GALNT13: variants seen among roughly 807,000 people sequenced by gnomAD.
The protein encoded by GALNT13 is polypeptide N-acetylgalactosaminyltransferase 13.
GALNT13 carries 28 observed loss-of-function variants against 64.2 expected under a neutral mutation model. The observed-to-expected ratio is 0.44, with a 90% confidence interval of 0.32 to 0.60. GALNT13 has a LOEUF of 0.60. Among genes scored for constraint, GALNT13 ranks in the 20% least tolerant of loss-of-function variants. GALNT13 has a pLI of 0.05. For missense variants in GALNT13, 577 were observed against 669.8 expected (o/e 0.86, Z 1.53); for synonymous variants, 214 against 224.6 (o/e 0.95, Z 0.42).
Position 154,341,693 on chromosome 2 carries a change from T to A in GALNT13, c.1156+40104T>A, listed in dbSNP as rs146731148. On this transcript the variant is annotated intron_variant, in intron 9 of 12. Coordinates refer to ENST00000392825, the MANE Select transcript of GALNT13 (RefSeq NM_052917.4). ...AGGACACAGCAAGTACTCTGGCATATTTTTCTGAGAAAATTATCTCCTGTT... is the reference window on the plus strand; with the variant it reads ...AGGACACAGCAAGTACTCTGGCATAATTTTCTGAGAAAATTATCTCCTGTT... 7.8e-3 allele frequency among the ~76,000 whole-genome samples: 1,185 copies of A among 151,336 alleles called. 14 individuals carry two copies. Among genetic ancestry groups the A allele is most frequent in the African/African-American group, 0.027 (1,128 of 41,406 alleles).
At chr2:153,135,772 T>G in the GALNT13 span, among the ~76,000 whole-genome samples, 1 of 152,022 alleles carries the variant, frequency 6.6e-6, no homozygotes, top group East Asian at 1.9e-4. Flanking sequence ...GGGGCACTTA[T>G]TAGGGTATAT....
chr2:153,132,159 C>A, the GALNT13 span, among the ~76,000 whole-genome samples: 1 of 152,076 alleles, frequency 6.6e-6, no homozygotes, highest in Non-Finnish European at 1.5e-5. Context: ...TGGAGAGGAC[C>A]AATACCAGCT....
the GALNT13 span, among the ~76,000 whole-genome samples, chr2:153,553,110 A>G: frequency 2.6e-5 from 4 of 152,224 alleles, no homozygotes; most frequent in Admixed American, 6.5e-5. Flanking sequence ...AGAGTGAACT[A>G]GAAAAATAAA....
the GALNT13 span, among the ~76,000 whole-genome samples, chr2:153,154,566 A>G: frequency 6.6e-6 from 1 of 152,042 alleles, no homozygotes; most frequent in Non-Finnish European, 1.5e-5. Context: ...GTTGGTATGT[A>G]TGAATGCTAG....
chr2:153,811,187 T>C, the GALNT13 span, among the ~76,000 whole-genome samples: 1 of 152,348 alleles, frequency 6.6e-6, no homozygotes, highest in South Asian at 2.1e-4. Context: ...TGGAGAATGA[T>C]GAGTTCTTGA....
At chr2:153,578,592 A>G in the GALNT13 span, among the ~76,000 whole-genome samples, 2 of 152,192 alleles carry the variant, frequency 1.3e-5, no homozygotes, top group East Asian at 3.9e-4. Context: ...TAAAGGCACA[A>G]AGCCAGTAGC....
At chr2:153,424,275 A>G in the GALNT13 span, among the ~76,000 whole-genome samples, 1 of 151,614 alleles carries the variant, frequency 6.6e-6, no homozygotes. Flanking sequence ...CTAGATGTTT[A>G]GGAGAAAAAA....
chr2:154,218,882 C>T (rs1688181990), intron 4 of GALNT13, among the ~76,000 whole-genome samples: 1 of 151,966 alleles, frequency 6.6e-6, no homozygotes, highest in South Asian at 2.1e-4. Flanking sequence ...GCTTCAAAGT[C>T]AAACATTTTA....
the GALNT13 span, among the ~76,000 whole-genome samples, chr2:153,354,616 A>AAG: frequency 6.6e-6 from 1 of 152,184 alleles, no homozygotes; most frequent in African/African-American, 2.4e-5. Context: ...AATAAGAGTC[A>AAG]GTAGTTATGA....
intron 3 of GALNT13, among the ~76,000 whole-genome samples, chr2:154,049,444 G>T (rs1415716908): frequency 7.3e-6 from 1 of 137,916 alleles, no homozygotes; most frequent in Non-Finnish European, 1.6e-5. Context: ...ACTATTCATT[G>T]TGATATATAT....
the GALNT13 span, among the ~76,000 whole-genome samples, chr2:153,519,727 G>A: frequency 4.6e-5 from 7 of 151,994 alleles, no homozygotes; most frequent in Non-Finnish European, 7.4e-5. Flanking sequence ...CTCCTATTTT[G>A]TATTACAAAT....
At chr2:153,259,931 G>A in the GALNT13 span, among the ~76,000 whole-genome samples, 2 of 151,540 alleles carry the variant, frequency 1.3e-5, no homozygotes, top group Admixed American at 6.6e-5. Flanking sequence ...TTCTCAGATG[G>A]CATGCTTTAA....
At chr2:154,289,055 C>G (rs1220645536) in intron 8 of GALNT13, among the ~76,000 whole-genome samples, 1 of 152,242 alleles carries the variant, frequency 6.6e-6, no homozygotes, top group Non-Finnish European at 1.5e-5. Flanking sequence ...GACATTCAGG[C>G]ATTTTCACAC....
intron 3 of GALNT13, among the ~76,000 whole-genome samples, chr2:154,116,935 C>T (rs1230710691): frequency 6.6e-6 from 1 of 152,120 alleles, no homozygotes; most frequent in African/African-American, 2.4e-5. Context: ...TATTCACTCA[C>T]ACACTCGCAA....
At chr2:153,257,634 CT>C in the GALNT13 span, among the ~76,000 whole-genome samples, 1 of 152,194 alleles carries the variant, frequency 6.6e-6, no homozygotes, top group East Asian at 1.9e-4. Flanking sequence ...GCCAAGAAAT[CT>C]TTTTTGAGCT....
chr2:153,379,995 G>C, the GALNT13 span, among the ~76,000 whole-genome samples: 1 of 152,124 alleles, frequency 6.6e-6, no homozygotes, highest in African/African-American at 2.4e-5. Context: ...AGTCTTTCTA[G>C]AGGAAGCAAT....
At chr2:154,017,156 G>A (rs532562334) in intron 3 of GALNT13, among the ~76,000 whole-genome samples, 1 of 152,136 alleles carries the variant, frequency 6.6e-6, no homozygotes, top group East Asian at 1.9e-4. Flanking sequence ...GAGAAATGCA[G>A]ACTTCATTTT....
the GALNT13 span, among the ~76,000 whole-genome samples, chr2:153,628,082 TTCCTAGGTA>T: frequency 1.3e-5 from 2 of 152,176 alleles, no homozygotes; most frequent in African/African-American, 4.8e-5. Context: ...GTAAGTGGGA[TTCCTAGGTA>T]TTTTATTCTC....
chr2:154,340,162 C>T (rs1210795968), intron 9 of GALNT13, among the ~76,000 whole-genome samples: 1 of 151,990 alleles, frequency 6.6e-6, no homozygotes, highest in South Asian at 2.1e-4. Context: ...CTCTATTGCT[C>T]CAACTCTCTA....
Sources: gnomAD v4.1 joint callset for allele counts (sites outside exome capture counted in the v4.1 genomes callset) on GRCh38, gnomAD v4.1.1 for gene constraint, MANE v1.5 for transcripts, NCBI Gene and HGNC (gene_info 2026-07-23, HGNC 2026-07-21) for gene names.